The following TRPM6 variants were observed in gnomAD, a reference collection of about 807,000 sequenced individuals.
TRPM6 encodes the protein channel kinase 2.
Under a neutral mutation model 247.6 loss-of-function variants are expected in TRPM6, and 111 were observed. That is an observed-to-expected ratio of 0.45 (90% CI 0.38 to 0.52). The LOEUF (loss-of-function observed/expected upper bound fraction) is 0.52, where lower values mean the gene tolerates loss of function less well. TRPM6 is among the 20% of genes least tolerant of loss of function. TRPM6 has a pLI of 0.00. For missense variants in TRPM6, 2,126 were observed against 2,421.5 expected (o/e 0.88, Z 2.56); for synonymous variants, 892 against 853.8 (o/e 1.04, Z -0.78).
At chr9:74,724,796 T>G in intron 38 of TRPM6, 50 bp from the exon 39 acceptor site, 1 of 1,612,484 alleles carries the variant, frequency 6.2e-7, no homozygotes, top group Non-Finnish European at 8.5e-7. Flanking sequence ...AAGAACCTAC[T>G]GTTCATGAAG....
chr9:74,793,933 G>C (rs1300205816), intron 18 of TRPM6, among the ~76,000 whole-genome samples: 1 of 152,156 alleles, frequency 6.6e-6, no homozygotes, highest in Non-Finnish European at 1.5e-5. Context: ...CAGAGCAGGA[G>C]TTGCCTGAAT....
intron 1 of TRPM6, among the ~76,000 whole-genome samples, chr9:74,859,543 C>T (rs561852523): frequency 1.1e-4 from 16 of 152,272 alleles, no homozygotes; most frequent in African/African-American, 3.6e-4. Flanking sequence ...GAGGCCAAGG[C>T]GGGTGGACCA....
intron 1 of TRPM6, among the ~76,000 whole-genome samples, chr9:74,862,178 T>C (rs1830708918): frequency 6.7e-6 from 1 of 150,012 alleles, no homozygotes; most frequent in South Asian, 2.1e-4. Context: ...CTTCCCACCC[T>C]GCCAACCTCG....
chr9:74,754,910 A>T (rs1826384555), intron 28 of TRPM6, among the ~76,000 whole-genome samples: 2 of 152,184 alleles, frequency 1.3e-5, no homozygotes, highest in Non-Finnish European at 2.9e-5. Flanking sequence ...TTATTAAGAG[A>T]TAATTGCCCA....
At position 74,855,633 on chromosome 9, in the gene TRPM6, A is replaced by G. The variant is rs1830502430; in HGVS notation, c.114-68T>C. 65 of 974,306 alleles carry G rather than the reference A, an allele frequency of 6.7e-5. No homozygotes were observed. The South Asian group carries it at 8.2e-4, about 12-fold the overall frequency. The allele number at this position is 974,306 out of a possible 1,614,324, so 60.4% of individuals were successfully genotyped here. On this transcript the variant is annotated intron_variant, in intron 2 of 38. Coordinates refer to ENST00000360774, the MANE Select transcript of TRPM6 (RefSeq NM_017662.5). Reference sequence around the variant, plus strand: ...CTGAAAATACATTTAATGCTTGTACAGTAAATATCTATTATTTTCCATGAT... The same window carrying G: ...CTGAAAATACATTTAATGCTTGTACGGTAAATATCTATTATTTTCCATGAT...
At chr9:74,805,140 G>A (rs1307581744) in intron 14 of TRPM6, among the ~76,000 whole-genome samples, 7 of 152,162 alleles carry the variant, frequency 4.6e-5, no homozygotes, top group Non-Finnish European at 8.8e-5. Context: ...ATCCTAATTT[G>A]TGGTTAACTT....
chr9:74,880,992 T>C (rs1831344390), intron 1 of TRPM6, among the ~76,000 whole-genome samples: 1 of 151,518 alleles, frequency 6.6e-6, no homozygotes, highest in Non-Finnish European at 1.5e-5. Context: ...GCTGAATGGA[T>C]TGGAAAAAAA....
chr9:74,757,474 G>A (rs1164589149), intron 27 of TRPM6, among the ~76,000 whole-genome samples: 1 of 150,254 alleles, frequency 6.7e-6, no homozygotes, highest in African/African-American at 2.4e-5. Flanking sequence ...CCTGAGGCAG[G>A]AGAATCACTT....
At chr9:74,818,578 T>C (rs143401164) in intron 9 of TRPM6, among the ~76,000 whole-genome samples, 245 of 152,288 alleles carry the variant, frequency 1.6e-3, no homozygotes, top group African/African-American at 5.6e-3. Context: ...GCTGGGATTA[T>C]AGGCGTGAGC....
intron 37 of TRPM6, among the ~76,000 whole-genome samples, chr9:74,730,799 A>G (rs1437649570): frequency 6.6e-6 from 1 of 152,200 alleles, no homozygotes; most frequent in African/African-American, 2.4e-5. Flanking sequence ...CCCCATGATC[A>G]TGGGAAAATA....
chr9:74,792,458 C>T (rs1397398976), intron 19 of TRPM6, among the ~76,000 whole-genome samples, 166 bp downstream of exon 19: 1 of 152,206 alleles, frequency 6.6e-6, no homozygotes, highest in Non-Finnish European at 1.5e-5. Context: ...TAACTTCTCC[C>T]TGCCTTCCTC....
Position 74,796,768 on chromosome 9 carries a change from G to A in TRPM6, c.2364C>T (p.Ala788=), listed in dbSNP as rs780627963. ...QFMWYYSDQN[A]SSSKESASVK... ...CAGAAGCACTTTCTTTGGAACTGCT[G>A]GCGTTCTGGTCACTGTAATACCACA... The change falls in exon 18 of 39, where the codon GCC becomes GCT. Residue 788 remains alanine (A), a synonymous_variant. Coordinates refer to ENST00000360774, the MANE Select transcript of TRPM6 (RefSeq NM_017662.5). The A allele has an allele frequency of 6.2e-7, 1 of 1,614,008 alleles. No individual in the cohort carries two copies. Among genetic ancestry groups the A allele is most frequent in the Non-Finnish European group, 8.5e-7 (1 of 1,179,920 alleles).
In TRPM6 at chr9:74,789,537, A is replaced by T. The variant is rs1827819033; in HGVS notation, c.2539-795T>A. On this transcript the variant is annotated intron_variant, in intron 19 of 38. Transcript: ENST00000360774. ...TCCATGCGCATTGAAAACTGTGACA[A>T]ATATTACTAAATTTTCTGACAGAAG... is the stretch of plus-strand genomic sequence containing the variant. Among the ~76,000 whole-genome samples, 3 of 152,202 alleles carry T rather than the reference A, an allele frequency of 2.0e-5. No individual in the cohort carries two copies. The South Asian group carries it at 6.2e-4, about 32-fold the overall frequency.
intron 19 of TRPM6, 26 bp from the exon 20 acceptor site, chr9:74,788,768 G>C: frequency 1.9e-6 from 3 of 1,612,336 alleles, no homozygotes; most frequent in South Asian, 1.1e-5. Flanking sequence ...ACATTCCCCA[G>C]ATGTGAGTGA....
chr9:74,742,688 C>T, intron 32 of TRPM6, 62 bp from the exon 33 acceptor site: 1 of 1,369,834 alleles, frequency 7.3e-7, no homozygotes, highest in South Asian at 1.2e-5. Flanking sequence ...TACAGAAAGC[C>T]TCTCCACATC....
At chr9:74,761,440 T>C (rs1230629307) in intron 27 of TRPM6, among the ~76,000 whole-genome samples, 1 of 152,188 alleles carries the variant, frequency 6.6e-6, no homozygotes, top group African/African-American at 2.4e-5. Context: ...CTGGGTGTGG[T>C]TGTGTATGCC....
chr9:74,880,969 C>A (rs75329740), intron 1 of TRPM6, among the ~76,000 whole-genome samples: 3,235 of 152,178 alleles, frequency 0.021, 135 homozygotes, highest in African/African-American at 0.075. Flanking sequence ...TTCTACTTAA[C>A]ACATATAGAT....
At chr9:74,808,456 T>G (rs964237611) in intron 13 of TRPM6, among the ~76,000 whole-genome samples, 2 of 152,208 alleles carry the variant, frequency 1.3e-5, no homozygotes, top group South Asian at 4.1e-4. Context: ...CTCCTTATCA[T>G]GCACACAAAC....
rs755424801 is a variant in TRPM6, at chr9:74,855,564, A to C, written c.115T>G (p.Cys39Gly). Residue 39 changes from cysteine to glycine, a missense_variant and splice_region_variant, in exon 3 of 39, where the codon TGT becomes GGT. Around this residue, in one of 3 missense-constraint regions of TRPM6, gnomAD observed 1,082 missense variants for 1,307.9 expected, o/e 0.83. Coordinates refer to ENST00000360774, the MANE Select transcript of TRPM6 (RefSeq NM_017662.5). ...TGGCAGACTTGGCATACTGGAGTACATCTAAATTAAAGAAATAAAACCTCT... is the reference window on the plus strand; with the variant it reads ...TGGCAGACTTGGCATACTGGAGTACCTCTAAATTAAAGAAATAAAACCTCT... ...IIPSSKNPHR[C>G]TPVCQVCQNL... 1.3e-6 allele frequency: 2 copies of C among 1,598,534 alleles called. No homozygotes were observed. The highest frequency in any genetic ancestry group is 1.1e-5 in the South Asian group (1 of 90,740).
Sources: gnomAD v4.1 joint callset for allele counts (sites outside exome capture counted in the v4.1 genomes callset) on GRCh38, gnomAD v4.1.1 for gene constraint, gnomAD v4.1.1 regional missense constraint, MANE v1.5 for transcripts, NCBI Gene and HGNC (gene_info 2026-07-23, HGNC 2026-07-21) for gene names.